NOL10: variants seen among roughly 807,000 people sequenced by gnomAD.
NOL10 encodes the protein H_NH0074G24.1.
Under a neutral mutation model 103.5 loss-of-function variants are expected in NOL10, and 58 were observed. The ratio of observed to expected loss-of-function variants is 0.56; its 90% CI spans 0.45 to 0.70. The LOEUF (loss-of-function observed/expected upper bound fraction) is 0.70. NOL10 is among the 30% of genes least tolerant of loss of function. The pLI is 0.00. For missense variants in NOL10, 763 were observed against 807.3 expected, an observed-to-expected ratio of 0.95 and a Z score of 0.67; for synonymous variants, 287 against 282.5, an observed-to-expected ratio of 1.02 and a Z score of -0.16.
In NOL10 at chr2:10,657,098, C is replaced by G. The variant is rs190848562; in HGVS notation, c.906+644G>C. On this transcript the variant is annotated intron_variant, in intron 11 of 20. Coordinates refer to ENST00000381685, the MANE Select transcript of NOL10 (RefSeq NM_024894.4). ...CTTCAGGAGGTCGAGGCAGGCGGATCATTTGAGGCCAGGAGTTCAAGACCA... is the reference window on the plus strand; with the variant it reads ...CTTCAGGAGGTCGAGGCAGGCGGATGATTTGAGGCCAGGAGTTCAAGACCA... 4.2e-3 allele frequency among the ~76,000 whole-genome samples: 646 copies of G among 152,254 alleles called. 9 individuals carry two copies. Among genetic ancestry groups the G allele is most frequent in the African/African-American group, 0.014 (595 of 41,554 alleles).
At chr2:10,648,447 T>C (rs1175055759) in intron 12 of NOL10, among the ~76,000 whole-genome samples, 1 of 152,182 alleles carries the variant, frequency 6.6e-6, no homozygotes, top group Non-Finnish European at 1.5e-5. Context: ...TTCTGCCTGC[T>C]CTCTTATGAA....
chr2:10,587,160 C>CATATACACATATATATACACAT, intron 19 of NOL10, among the ~76,000 whole-genome samples: 1 of 22,686 alleles, frequency 4.4e-5, no homozygotes, highest in Middle Eastern at 0.013. Context: ...CATATATACA[C>CATATACACATATATATACACAT]ATATATACAC....
chr2:10,614,258 C>T (rs1676720901), intron 13 of NOL10, among the ~76,000 whole-genome samples: 1 of 152,044 alleles, frequency 6.6e-6, no homozygotes, highest in Admixed American at 6.5e-5. Context: ...GAGTGCCCAG[C>T]CCGCTATTAG....
At chr2:10,632,037 C>A (rs377158568) in intron 13 of NOL10, among the ~76,000 whole-genome samples, 38 of 152,260 alleles carry the variant, frequency 2.5e-4, no homozygotes, top group African/African-American at 8.9e-4. Flanking sequence ...TTCAATCTGG[C>A]ATTAAGTACG....
At chr2:10,585,502 C>G (rs1674980535) in intron 19 of NOL10, among the ~76,000 whole-genome samples, 1 of 152,206 alleles carries the variant, frequency 6.6e-6, no homozygotes, top group Admixed American at 6.5e-5. Flanking sequence ...TTCATAGCAG[C>G]ATTATTCATA....
chr2:10,625,294 G>T (rs2148229579), intron 13 of NOL10, among the ~76,000 whole-genome samples: 2 of 152,254 alleles, frequency 1.3e-5, no homozygotes, highest in Middle Eastern at 6.8e-3. Flanking sequence ...ATGTGTCAAT[G>T]TCTGTTCACT....
chr2:10,617,009 A>G (rs1377648320), intron 13 of NOL10, among the ~76,000 whole-genome samples: 1 of 142,550 alleles, frequency 7.0e-6, no homozygotes, highest in Non-Finnish European at 1.5e-5. Context: ...ACTCAGTGAC[A>G]AAACACAGAA....
chr2:10,635,399 A>G (rs1272810026), intron 13 of NOL10, among the ~76,000 whole-genome samples: 1 of 152,160 alleles, frequency 6.6e-6, no homozygotes, highest in Non-Finnish European at 1.5e-5. Flanking sequence ...GTCATTCACT[A>G]TTTTGCCCCA....
chr2:10,592,289 T>C (rs952066003), intron 17 of NOL10, among the ~76,000 whole-genome samples: 8 of 152,280 alleles, frequency 5.3e-5, no homozygotes, highest in Non-Finnish European at 1.0e-4. Flanking sequence ...CTCTCAAACA[T>C]GTAGCTTAAG....
At chr2:10,582,724 A>G (rs374310544) in intron 19 of NOL10, among the ~76,000 whole-genome samples, 70 of 152,270 alleles carry the variant, frequency 4.6e-4, no homozygotes, top group African/African-American at 1.6e-3. Flanking sequence ...ACTCGGGCCC[A>G]CTGCCACCCA....
intron 13 of NOL10, among the ~76,000 whole-genome samples, chr2:10,628,299 C>T (rs557619142): frequency 2.0e-5 from 3 of 152,122 alleles, no homozygotes; most frequent in Admixed American, 1.3e-4. Flanking sequence ...ACATGAAGAG[C>T]CCCAAGACAG....
At chr2:10,655,833 T>TG in intron 11 of NOL10, among the ~76,000 whole-genome samples, 1 of 152,322 alleles carries the variant, frequency 6.6e-6, no homozygotes, top group Non-Finnish European at 1.5e-5. Context: ...AAAAGAGCAG[T>TG]GTTAGAGCAC....
chr2:10,582,631 C>T (rs1380725629), intron 19 of NOL10, among the ~76,000 whole-genome samples: 2 of 152,154 alleles, frequency 1.3e-5, no homozygotes, highest in Non-Finnish European at 2.9e-5. Context: ...AATGATGTCC[C>T]CTATGTTCAC....
At chr2:10,594,293 C>G (rs6716907) in intron 17 of NOL10, among the ~76,000 whole-genome samples, 32,587 of 152,036 alleles carry the variant, frequency 0.21, 4,556 homozygotes, top group East Asian at 0.44. Context: ...ACTTGCATGT[C>G]TGAAAATATC....
chr2:10,596,846 AAATAG>A (rs1266472123), intron 17 of NOL10, among the ~76,000 whole-genome samples: 1 of 152,242 alleles, frequency 6.6e-6, no homozygotes, highest in African/African-American at 2.4e-5. Flanking sequence ...CCTATAGGAA[AAATAG>A]CTCTAACCAA....
At chr2:10,633,455 A>G (rs1220577832) in intron 13 of NOL10, among the ~76,000 whole-genome samples, 2 of 151,264 alleles carry the variant, frequency 1.3e-5, no homozygotes, top group African/African-American at 4.8e-5. Flanking sequence ...TTATATATTG[A>G]TATATTATTA....
chr2:10,664,502 T>C (rs1391589413), intron 8 of NOL10, among the ~76,000 whole-genome samples: 3 of 152,228 alleles, frequency 2.0e-5, no homozygotes, highest in African/African-American at 7.2e-5. Context: ...TGTACTAGAA[T>C]TGTGTCCACA....
At chr2:10,656,005 G>A (rs1395002305) in intron 11 of NOL10, among the ~76,000 whole-genome samples, 4 of 152,052 alleles carry the variant, frequency 2.6e-5, no homozygotes, top group African/African-American at 7.2e-5. Context: ...ATAATGGCAC[G>A]GAACAACAAT....
intron 9 of NOL10, among the ~76,000 whole-genome samples, chr2:10,661,505 G>A (rs1680205867): frequency 1.3e-5 from 2 of 152,060 alleles, no homozygotes; most frequent in Admixed American, 6.5e-5. Flanking sequence ...CTGGGTACTT[G>A]GGATTACAGG....
Sources: gnomAD v4.1 joint callset for allele counts (sites outside exome capture counted in the v4.1 genomes callset) on GRCh38, gnomAD v4.1.1 for gene constraint, MANE v1.5 for transcripts, NCBI Gene and HGNC (gene_info 2026-07-23, HGNC 2026-07-21) for gene names.